The following PPP1R16B variants were observed in gnomAD, a reference collection of about 807,000 sequenced individuals.
PPP1R16B encodes the protein protein phosphatase 1 regulatory subunit 16B.
PPP1R16B carries 14 observed loss-of-function variants against 61.7 expected under a neutral mutation model. That is an observed-to-expected ratio of 0.23 (90% CI 0.15 to 0.35). The LOEUF is 0.35. PPP1R16B is among the 10% of genes least tolerant of loss of function. PPP1R16B has a pLI of 1.00. For synonymous variants in PPP1R16B, 266 were observed against 305.3 expected (o/e 0.87, Z 1.34); for missense variants, 547 against 752.5 (o/e 0.73, Z 3.19).
At chr20:38,886,742 G>A (rs1236848613) in intron 2 of PPP1R16B, among the ~76,000 whole-genome samples, 1 of 152,240 alleles carries the variant, frequency 6.6e-6, no homozygotes, top group African/African-American at 2.4e-5. Flanking sequence ...AGGGTGATCT[G>A]CTTTGCTCAG....
rs1320961672 is a variant in PPP1R16B at position 38,895,867 on chromosome 20, C to T, written c.467+157C>T. Among the ~76,000 whole-genome samples the T allele has an allele frequency of 8.7e-3, 1,034 of 119,424 alleles. 41 individuals carry two copies. The highest frequency in any genetic ancestry group is 0.012 in the Non-Finnish European group (688 of 55,626). The allele number at this position is 119,424 out of a possible 152,430, so 78.3% of individuals were successfully genotyped here. A position where few individuals can be genotyped will look rare whatever the true frequency, so the allele number is the denominator to read the frequency against. Reference sequence around the variant, plus strand: ...TTCCTCCTTCCTTCTTTCTTCCCTCCCTCCCTCCTTCCTTCTTTCTTCCCT... The same window carrying T: ...TTCCTCCTTCCTTCTTTCTTCCCTCTCTCCCTCCTTCCTTCTTTCTTCCCT... On this transcript the variant is annotated intron_variant, in intron 4 of 10. Transcript: ENST00000299824.
intron 10 of PPP1R16B, among the ~76,000 whole-genome samples, chr20:38,911,393 C>T (rs969387840): frequency 1.4e-5 from 2 of 144,418 alleles, no homozygotes; most frequent in Admixed American, 1.4e-4. Flanking sequence ...GTCTCGATCT[C>T]CTGACCTCGT....
intron 1 of PPP1R16B, among the ~76,000 whole-genome samples, chr20:38,832,386 T>C (rs537177662): frequency 3.3e-5 from 5 of 152,346 alleles, no homozygotes; most frequent in African/African-American, 1.2e-4. Context: ...TGAAATAAAC[T>C]TGTGATCTGC....
intron 2 of PPP1R16B, among the ~76,000 whole-genome samples, chr20:38,855,860 G>T (rs1039321469): frequency 1.4e-5 from 2 of 141,708 alleles, no homozygotes; most frequent in African/African-American, 5.3e-5. Context: ...GCAGGACATC[G>T]CATCTGTAAA....
At chr20:38,864,242 T>C (rs73114222) in intron 2 of PPP1R16B, among the ~76,000 whole-genome samples, 4,030 of 152,272 alleles carry the variant, frequency 0.026, 73 homozygotes, top group Middle Eastern at 0.075. Context: ...TTTTGGGGTG[T>C]TCAGATGTTC....
chr20:38,806,723 C>G lies in PPP1R16B; in HGVS notation c.-102+931C>G, dbSNP rs1268186189. ...ACTCCCTTCCTCCGCTCCCCCACCC[C>G]GGCCCGGCCTCCAGCTTCACTGGAG... is the stretch of plus-strand genomic sequence containing the variant. On this transcript the variant is annotated intron_variant, in intron 1 of 10. Transcript: ENST00000299824. The surrounding 1 kb of genome is among the most constrained non-coding windows in gnomAD (Gnocchi z 4.5). 6.6e-6 allele frequency among the ~76,000 whole-genome samples: 1 copy of G among 152,192 alleles called. No individual in the cohort carries two copies. The highest frequency in any genetic ancestry group is 2.4e-5 in the African/African-American group (1 of 41,450).
chr20:38,898,369 C>T (rs1034840609), intron 4 of PPP1R16B, among the ~76,000 whole-genome samples: 2 of 152,194 alleles, frequency 1.3e-5, no homozygotes, highest in African/African-American at 4.8e-5. Context: ...GCCAGCCCCA[C>T]ACTGTTTGAT....
chr20:38,904,145 C>T (rs1195114150), intron 6 of PPP1R16B, among the ~76,000 whole-genome samples: 1 of 152,228 alleles, frequency 6.6e-6, no homozygotes, highest in Non-Finnish European at 1.5e-5. Flanking sequence ...ATCACCTGCT[C>T]AGCCTAGCAC....
intron 2 of PPP1R16B, among the ~76,000 whole-genome samples, chr20:38,877,952 GTTTTTTTTTTTT>G (rs34151516): frequency 1.7e-5 from 1 of 57,776 alleles, no homozygotes; most frequent in Non-Finnish European, 3.3e-5. Flanking sequence ...GCACACAGTT[GTTTTTTTTTTTT>G]TTTTTTTTTT....
At position 38,874,803 on chromosome 20, in the gene PPP1R16B, T is replaced by C. The variant is rs190791681; in HGVS notation, c.251-14792T>C. Among the ~76,000 whole-genome samples the C allele has an allele frequency of 2.7e-3, 414 of 152,296 alleles. 2 individuals carry two copies. The highest frequency in any genetic ancestry group is 9.2e-3 in the African/African-American group (384 of 41,562). ...CAAGCATGGGTCAAGTGTGGGGGTA[T>C]TGGAGCCTCTTACCAGCTGAGTAGA... On this transcript the variant is annotated intron_variant, in intron 2 of 10. Transcript: ENST00000299824.
intron 5 of PPP1R16B, 133 bp downstream of exon 5, chr20:38,900,817 TC>T: frequency 1.7e-6 from 1 of 576,866 alleles, no homozygotes. Context: ...ATAGGATGGG[TC>T]CCCATTCATA....
intron 10 of PPP1R16B, among the ~76,000 whole-genome samples, chr20:38,910,002 T>C (rs2145781935): frequency 6.6e-6 from 1 of 152,318 alleles, no homozygotes; most frequent in Non-Finnish European, 1.5e-5. Context: ...TTTTATGATA[T>C]GGAGCCTCGC....
intron 7 of PPP1R16B, among the ~76,000 whole-genome samples, chr20:38,906,546 T>C (rs1220724383): frequency 6.6e-6 from 1 of 152,120 alleles, no homozygotes; most frequent in Admixed American, 6.6e-5. Flanking sequence ...CTGCCTGCCT[T>C]GGCCTCCCAA....
At chr20:38,915,232 G>A (rs925456147) in intron 10 of PPP1R16B, among the ~76,000 whole-genome samples, 1 of 152,110 alleles carries the variant, frequency 6.6e-6, no homozygotes, top group South Asian at 2.1e-4. Flanking sequence ...AATGCATAAT[G>A]TCATGTGTCC....
intron 10 of PPP1R16B, among the ~76,000 whole-genome samples, chr20:38,913,455 G>C (rs898081115): frequency 2.6e-5 from 4 of 151,996 alleles, no homozygotes; most frequent in Admixed American, 6.6e-5. Flanking sequence ...TAGAGACGGG[G>C]TTTCACCATG....
chr20:38,907,113 T>G lies in PPP1R16B; in HGVS notation c.898+59T>G, dbSNP rs996435471. 7 of 1,337,712 alleles carry G rather than the reference T, an allele frequency of 5.2e-6. No homozygotes were observed. The African/African-American group carries it at 7.2e-5, about 14-fold the overall frequency. 82.9% of individuals were successfully genotyped at this position (1,337,712 alleles called of 1,614,324 possible). A position where few individuals can be genotyped will look rare whatever the true frequency, so the allele number is the denominator to read the frequency against. On this transcript the variant is annotated intron_variant, in intron 8 of 10. Transcript: ENST00000299824. The surrounding 1 kb of genome is among the most constrained non-coding windows in gnomAD (Gnocchi z 4.5). ...AGGCAGTTATCAATGTTTTGATGGG[T>G]AGAGGGAGAAATAGATAAATATATG... is the stretch of plus-strand genomic sequence containing the variant.
At chr20:38,893,816 C>A (rs1432669012) in intron 3 of PPP1R16B, among the ~76,000 whole-genome samples, 1 of 152,122 alleles carries the variant, frequency 6.6e-6, no homozygotes, top group Admixed American at 6.5e-5. Flanking sequence ...GTCCCCTCGC[C>A]CTTCAACCAG....
intron 2 of PPP1R16B, among the ~76,000 whole-genome samples, chr20:38,839,248 G>A (rs1020667599): frequency 6.6e-6 from 1 of 152,134 alleles, no homozygotes; most frequent in South Asian, 2.1e-4. Context: ...GTAAAATCAG[G>A]TTTTGAAAGC....
intron 2 of PPP1R16B, 23 bp from the exon 3 acceptor site, chr20:38,889,572 A>T: frequency 6.5e-7 from 1 of 1,545,812 alleles, no homozygotes; most frequent in Non-Finnish European, 8.9e-7. Context: ...CGGGAAGCTC[A>T]CTCCTGTACC....
Sources: gnomAD v4.1 joint callset for allele counts (sites outside exome capture counted in the v4.1 genomes callset) on GRCh38, gnomAD v4.1.1 for gene constraint, Gnocchi (gnomAD v3.1) non-coding constraint, MANE v1.5 for transcripts, NCBI Gene and HGNC (gene_info 2026-07-23, HGNC 2026-07-21) for gene names.